Variants in FIRRM observed in about 807,000 individuals in gnomAD.
The protein encoded by FIRRM is FIGNL1 interacting regulator of recombination and mitosis.
chr1:169,806,130 C>T, the FIRRM span: 1 of 1,113,892 alleles, frequency 9.0e-7, no homozygotes, highest in Non-Finnish European at 1.3e-6. Context: ...AAAATGTTTT[C>T]CATATTCCCC....
chr1:169,839,407 C>G, the FIRRM span, among the ~76,000 whole-genome samples: 58 of 152,208 alleles, frequency 3.8e-4, no homozygotes, highest in Non-Finnish European at 1.2e-4. Context: ...TTTACTTTCT[C>G]TGCAGCCTCA....
chr1:169,821,656 T>G, the FIRRM span: 1 of 1,509,994 alleles, frequency 6.6e-7, no homozygotes, highest in Non-Finnish European at 9.0e-7. Flanking sequence ...TATTATGCTT[T>G]CTTATTTCCC....
At chr1:169,810,478 A>G in the FIRRM span, among the ~76,000 whole-genome samples, 8 of 152,006 alleles carry the variant, frequency 5.3e-5, no homozygotes, top group Non-Finnish European at 1.2e-4. Flanking sequence ...AATATATTTC[A>G]TATCTTTCTC....
At chr1:169,809,871 C>T in the FIRRM span, among the ~76,000 whole-genome samples, 6 of 152,264 alleles carry the variant, frequency 3.9e-5, no homozygotes, top group East Asian at 1.2e-3. Context: ...GTTTTCCTGG[C>T]AGTTTTCACT....
the FIRRM span, among the ~76,000 whole-genome samples, chr1:169,838,032 G>T: frequency 6.6e-6 from 1 of 152,248 alleles, no homozygotes; most frequent in East Asian, 1.9e-4. Flanking sequence ...CCACCTCACG[G>T]ATTCAGGCAA....
At chr1:169,808,277 A>G in the FIRRM span, among the ~76,000 whole-genome samples, 2 of 152,262 alleles carry the variant, frequency 1.3e-5, no homozygotes, top group South Asian at 2.1e-4. Context: ...GCTGCAATCA[A>G]TCTTGCATTT....
At chr1:169,795,652 G>A in the FIRRM span, 1 of 991,124 alleles carries the variant, frequency 1.0e-6, no homozygotes, top group Non-Finnish European at 1.2e-6. Flanking sequence ...CGTAAAAAGG[G>A]TGGTGAATAT....
the FIRRM span, among the ~76,000 whole-genome samples, chr1:169,845,778 C>A: frequency 2.0e-5 from 3 of 152,198 alleles, no homozygotes; most frequent in South Asian, 2.1e-4. Context: ...TCTGCAGTTA[C>A]TTCCTCCACG....
chr1:169,806,627 A>G, the FIRRM span, among the ~76,000 whole-genome samples: 203 of 152,300 alleles, frequency 1.3e-3, no homozygotes, highest in African/African-American at 4.7e-3. Flanking sequence ...AAGAATATCT[A>G]CTTTATACAC....
the FIRRM span, among the ~76,000 whole-genome samples, chr1:169,822,543 A>T: frequency 6.6e-6 from 1 of 152,188 alleles, no homozygotes; most frequent in Non-Finnish European, 1.5e-5. Flanking sequence ...TCTGTTGCCC[A>T]GGCTGGAGTG....
chr1:169,799,021 C>A, the FIRRM span: 1 of 627,660 alleles, frequency 1.6e-6, no homozygotes, highest in Non-Finnish European at 2.7e-6. Context: ...CCCCACATAC[C>A]TCGGTAGATG....
chr1:169,788,325 T>C, the FIRRM span, among the ~76,000 whole-genome samples: 1 of 152,184 alleles, frequency 6.6e-6, no homozygotes, highest in Non-Finnish European at 1.5e-5. Flanking sequence ...TGAAGTCTAC[T>C]TGAAGATGAC....
the FIRRM span, among the ~76,000 whole-genome samples, chr1:169,845,372 G>A: frequency 6.6e-6 from 1 of 152,196 alleles, no homozygotes; most frequent in Non-Finnish European, 1.5e-5. Context: ...CAGGATGGTG[G>A]TTGCTGAAGG....
chr1:169,791,145 C>T, the FIRRM span, among the ~76,000 whole-genome samples: 1 of 152,196 alleles, frequency 6.6e-6, no homozygotes, highest in African/African-American at 2.4e-5. Context: ...AGCTCAGTTC[C>T]TAACAGGCCA....
chr1:169,795,447 C>G, the FIRRM span: 3 of 1,346,666 alleles, frequency 2.2e-6, no homozygotes, highest in South Asian at 1.9e-5. Flanking sequence ...GTGTTCTGAC[C>G]CAAGGTTTTA....
At chr1:169,819,563 GT>G in the FIRRM span, among the ~76,000 whole-genome samples, 4 of 152,188 alleles carry the variant, frequency 2.6e-5, no homozygotes, top group African/African-American at 7.2e-5. Flanking sequence ...GAAAATAGAG[GT>G]TTTCACTAAA....
the FIRRM span, chr1:169,850,097 A>G: frequency 2.4e-5 from 14 of 591,262 alleles, no homozygotes; most frequent in Admixed American, 2.4e-4. Flanking sequence ...TTAATTTTGT[A>G]TTATCCTTAG....
chr1:169,853,642 C>T, the FIRRM span: 2 of 1,545,692 alleles, frequency 1.3e-6, no homozygotes, highest in Non-Finnish European at 1.8e-6. Context: ...GTCCCAAAGC[C>T]TGCTTTTGAG....
At chr1:169,814,132 C>G in the FIRRM span, among the ~76,000 whole-genome samples, 4 of 152,192 alleles carry the variant, frequency 2.6e-5, no homozygotes, top group Middle Eastern at 3.4e-3. Flanking sequence ...ATAGTTGACC[C>G]TTGAACAATG....
Sources: gnomAD v4.1 joint callset for allele counts (sites outside exome capture counted in the v4.1 genomes callset) on GRCh38, gnomAD v4.1.1 for gene constraint, MANE v1.5 for transcripts, NCBI Gene and HGNC (gene_info 2026-07-23, HGNC 2026-07-21) for gene names.